CDH13: variants seen among roughly 807,000 people sequenced by gnomAD.
The protein encoded by CDH13 is cadherin 13, also known as cadherin-13.
A neutral mutation model predicts 63.8 loss-of-function variants in CDH13; 24 were observed. That is an observed-to-expected ratio of 0.38 (90% confidence interval 0.27 to 0.53). The LOEUF is 0.53. Ranked by LOEUF, CDH13 falls within the 20% of genes least tolerant of loss-of-function variation. The pLI, the probability that CDH13 is intolerant of heterozygous loss-of-function variation, is 0.85. For missense variants in CDH13, 1,049 were observed against 903.1 expected (o/e 1.16, Z -2.07); for synonymous variants, 503 against 355.3 (o/e 1.42, Z -4.67).
At chr16:82,914,543 A>T (rs976237198) in intron 2 of CDH13, among the ~76,000 whole-genome samples, 2 of 152,212 alleles carry the variant, frequency 1.3e-5, no homozygotes, top group African/African-American at 4.8e-5. Flanking sequence ...GACACTCCTA[A>T]GTAGTTAAAG....
At chr16:83,032,275 C>T in intron 3 of CDH13, 57 bp downstream of exon 3, 2 of 1,357,202 alleles carry the variant, frequency 1.5e-6, no homozygotes, top group Admixed American at 1.9e-5. Context: ...TTCTGTCTGT[C>T]TTATGTGGAA....
intron 7 of CDH13, among the ~76,000 whole-genome samples, chr16:83,521,872 A>C (rs1267383963): frequency 6.6e-6 from 1 of 152,216 alleles, no homozygotes; most frequent in Non-Finnish European, 1.5e-5. Flanking sequence ...CTTCACCTAT[A>C]ATACAGGGCA....
intron 7 of CDH13, among the ~76,000 whole-genome samples, chr16:83,555,864 A>G (rs1206323979): frequency 6.6e-6 from 1 of 152,212 alleles, no homozygotes; most frequent in Non-Finnish European, 1.5e-5. Context: ...TGTACATGAC[A>G]TATCCATGCA....
rs115072459 is a variant in CDH13 at position 83,164,261 on chromosome 16, T to C, written c.483+38760T>C. 3.9e-3 allele frequency among the ~76,000 whole-genome samples: 600 copies of C among 152,090 alleles called. 4 individuals carry two copies. Among genetic ancestry groups the C allele is most frequent in the African/African-American group, 0.014 (578 of 41,522 alleles). ...AATTTTCCATTGTGAACACTGAAGG[T>C]TGGACAGATTCAATGTCTGGTCTGA... is the stretch of plus-strand genomic sequence containing the variant. On this transcript the variant is annotated intron_variant, in intron 4 of 13. Coordinates refer to ENST00000567109, the MANE Select transcript of CDH13 (RefSeq NM_001257.5).
chr16:82,662,331 G>A (rs1000604557), intron 1 of CDH13, among the ~76,000 whole-genome samples: 1 of 150,104 alleles, frequency 6.7e-6, no homozygotes, highest in Non-Finnish European at 1.5e-5. Context: ...GAGGAGGCGG[G>A]GGTAGATGTT....
intron 2 of CDH13, among the ~76,000 whole-genome samples, chr16:83,003,364 T>G (rs1008311742): frequency 6.6e-6 from 1 of 152,116 alleles, no homozygotes; most frequent in African/African-American, 2.4e-5. Context: ...ATTGATAATT[T>G]ATCTATTTAA....
intron 8 of CDH13, among the ~76,000 whole-genome samples, chr16:83,659,080 A>C (rs1195870273): frequency 7.0e-5 from 10 of 143,474 alleles, no homozygotes; most frequent in South Asian, 2.3e-4. Flanking sequence ...CCTCACCAGC[A>C]AGGTCCCATG....
At chr16:83,512,667 C>G (rs1567726368) in intron 7 of CDH13, among the ~76,000 whole-genome samples, 3 of 148,790 alleles carry the variant, frequency 2.0e-5, no homozygotes, top group Non-Finnish European at 3.0e-5. Context: ...GACTCCGTCT[C>G]AATAATAATA....
chr16:83,269,732 GC>G (rs1485367352), intron 5 of CDH13, among the ~76,000 whole-genome samples: 1 of 152,074 alleles, frequency 6.6e-6, no homozygotes, highest in Non-Finnish European at 1.5e-5. Flanking sequence ...TTGACCTCTG[GC>G]CACCTTCCCT....
chr16:83,415,257 A>G (rs1300854143), intron 6 of CDH13, among the ~76,000 whole-genome samples: 1 of 152,174 alleles, frequency 6.6e-6, no homozygotes, highest in Non-Finnish European at 1.5e-5. Context: ...GAACGGACCC[A>G]TAACTCATAG....
intron 3 of CDH13, among the ~76,000 whole-genome samples, chr16:83,068,476 G>A (rs1597265170): frequency 6.6e-6 from 1 of 152,146 alleles, no homozygotes; most frequent in African/African-American, 2.4e-5. Flanking sequence ...CGAATGTTGA[G>A]CAAGCCAATA....
intron 5 of CDH13, among the ~76,000 whole-genome samples, chr16:83,240,715 A>ATT (rs761301050): frequency 2.0e-5 from 1 of 49,514 alleles, no homozygotes; most frequent in Admixed American, 3.6e-4. Context: ...TACTGTCTTA[A>ATT]TCTTTTTTTT....
intron 6 of CDH13, among the ~76,000 whole-genome samples, chr16:83,354,867 G>C (rs2091022936): frequency 6.6e-6 from 1 of 152,222 alleles, no homozygotes; most frequent in African/African-American, 2.4e-5. Context: ...AGTTTTATTA[G>C]AATACACATG....
At chr16:83,707,855 A>AAAAAAAAAAAAAAAAAAAAAAAAAAC (rs1567535306) in intron 10 of CDH13, among the ~76,000 whole-genome samples, 1 of 147,364 alleles carries the variant, frequency 6.8e-6, no homozygotes, top group African/African-American at 2.5e-5. Flanking sequence ...AAAAAAAAAA[A>AAAAAAAAAAAAAAAAAAAAAAAAAAC]AAAGAGCTGG....
At chr16:83,244,962 C>T (rs747660253) in intron 5 of CDH13, among the ~76,000 whole-genome samples, 1 of 152,044 alleles carries the variant, frequency 6.6e-6, no homozygotes, top group Non-Finnish European at 1.5e-5. Context: ...TCTATTTGTA[C>T]GGTTTAGGCA....
At chr16:83,146,151 G>A (rs1342025494) in intron 4 of CDH13, among the ~76,000 whole-genome samples, 1 of 141,716 alleles carries the variant, frequency 7.1e-6, no homozygotes, top group South Asian at 2.2e-4. Flanking sequence ...CCAAGATTGT[G>A]CCACTGCACT....
chr16:83,411,007 C>T (rs886593333), intron 6 of CDH13, among the ~76,000 whole-genome samples: 33 of 152,170 alleles, frequency 2.2e-4, no homozygotes, highest in African/African-American at 4.1e-4. Flanking sequence ...CATGTCCGTG[C>T]GTGCTTTTTC....
intron 3 of CDH13, among the ~76,000 whole-genome samples, chr16:83,112,949 T>C (rs375985692): frequency 6.6e-6 from 1 of 152,150 alleles, no homozygotes; most frequent in Non-Finnish European, 1.5e-5. Flanking sequence ...GAGGAAAACA[T>C]GTGGAACTCA....
intron 1 of CDH13, among the ~76,000 whole-genome samples, chr16:82,661,316 TA>T (rs1911918079): frequency 6.6e-6 from 1 of 152,252 alleles, no homozygotes; most frequent in African/African-American, 2.4e-5. Flanking sequence ...AGCCAAACCC[TA>T]TTTATGCTTT....
Sources: allele counts gnomAD v4.1 joint callset (sites outside exome capture counted in the v4.1 genomes callset), GRCh38; gene constraint gnomAD v4.1.1; transcripts MANE v1.5; gene names NCBI Gene and HGNC (gene_info 2026-07-23, HGNC 2026-07-21).